The following EEA1 variants were observed in gnomAD, a reference collection of about 807,000 sequenced individuals.
EEA1 encodes the protein early endosome antigen 1, 162kD.
In EEA1, 111 loss-of-function variants were observed where a neutral mutation model predicts 209.2. The ratio of observed to expected loss-of-function variants is 0.53; its 90% CI spans 0.45 to 0.62. EEA1 has a LOEUF of 0.62. Ranked by LOEUF, EEA1 falls within the 20% of genes least tolerant of loss-of-function variation. EEA1 has a pLI of 0.00. For missense variants in EEA1, 1,343 were observed against 1,530.8 expected (o/e 0.88, Z 2.05); for synonymous variants, 536 against 540.6 (o/e 0.99, Z 0.12).
At chr12:92,858,158 G>A (rs946709081) in intron 3 of EEA1, 5 of 620,054 alleles carry the variant, frequency 8.1e-6, no homozygotes, top group Non-Finnish European at 1.5e-5. Flanking sequence ...GTTGGTGGGG[G>A]AAGGCCCACC....
At chr12:92,783,690 G>T (rs2136651914) in intron 22 of EEA1, among the ~76,000 whole-genome samples, 1 of 152,244 alleles carries the variant, frequency 6.6e-6, no homozygotes, top group African/African-American at 2.4e-5. Flanking sequence ...TTCAGTTGGG[G>T]ATAAATATGG....
Position 92,777,955 on chromosome 12 carries a change from TCTC to T in EEA1, c.3876_3878del (p.Arg1293del), listed in dbSNP as rs917509191. On this transcript the variant is annotated inframe_deletion, in exon 26 of 29. Transcript: ENST00000322349. The stretch of plus-strand genomic sequence containing the variant: ...ATATCAATCACCTTTCCAGTAGTGC[TCTC>T]CTTTCATCTTGATTATTCTGAACCG... 6.2e-7 allele frequency: 1 copy of T among 1,612,692 alleles called. No individual in the cohort carries two copies.
intron 15 of EEA1, 111 bp from the exon 16 acceptor site, chr12:92,813,204 G>T: frequency 1.7e-6 from 1 of 586,228 alleles, no homozygotes; most frequent in Non-Finnish European, 2.7e-6. Context: ...TAAGTCCTTG[G>T]CAAAAACATA....
intron 3 of EEA1, among the ~76,000 whole-genome samples, chr12:92,862,990 T>C (rs923587144): frequency 3.3e-5 from 5 of 152,180 alleles, no homozygotes; most frequent in Non-Finnish European, 7.4e-5. Context: ...AGATACCTAA[T>C]AGGCAAGTTG....
chr12:92,782,212 A>G (rs889783890), intron 22 of EEA1, 77 bp from the exon 23 acceptor site: 3 of 1,205,888 alleles, frequency 2.5e-6, no homozygotes, highest in African/African-American at 1.5e-5. Context: ...TAATATAAAC[A>G]TTGTAGAAAG....
At chr12:92,904,541 A>T (rs1055605659) in intron 1 of EEA1, among the ~76,000 whole-genome samples, 2 of 152,226 alleles carry the variant, frequency 1.3e-5, no homozygotes, top group Middle Eastern at 3.2e-3. Context: ...CTAAGGGATC[A>T]GTCCCTTAAG....
In EEA1 at chr12:92,851,168, T is replaced by A. The variant is rs371854406; in HGVS notation, c.741A>T (p.Glu247Asp). The change falls in exon 9 of 29, where the codon GAA becomes GAT. Residue 247 changes from glutamate to aspartate, a missense_variant. Glu to Asp is a conservative substitution (Grantham distance 45, BLOSUM62 2). Around this residue, in one of 3 missense-constraint regions of EEA1, gnomAD observed 1,307 missense variants for 1,465.5 expected, o/e 0.89. Coordinates refer to ENST00000322349, the MANE Select transcript of EEA1 (RefSeq NM_003566.4). Reference sequence around the variant, plus strand: ...TGCATTCATCTTTGAGTTTTTCAGATTCTCGCTCACGTTCCAAGGTCATGT... The same window carrying A: ...TGCATTCATCTTTGAGTTTTTCAGAATCTCGCTCACGTTCCAAGGTCATGT... ...MDNMTLERER[E>D]SEKLKDECKK... 16 of 1,613,826 alleles carry A rather than the reference T, an allele frequency of 9.9e-6. No homozygotes were observed. The African/African-American group carries it at 2.0e-4, about 20-fold the overall frequency.
Position 92,778,144 on chromosome 12 carries a change from C to T in EEA1, c.3690G>A (p.Lys1230=). Residue 1230 remains lysine (K), a synonymous_variant, in exon 26 of 29, where the codon AAG becomes AAA. Coordinates refer to ENST00000322349, the MANE Select transcript of EEA1 (RefSeq NM_003566.4). ...SEIKEKEVGM[K]KHEENEAKLT... Reference sequence around the variant, plus strand: ...GTTTAGCCTCATTTTCTTCATGCTTCTTCATTCCTACTTCCTTTTCTTTTA... The same window carrying T: ...GTTTAGCCTCATTTTCTTCATGCTTTTTCATTCCTACTTCCTTTTCTTTTA... The T allele has an allele frequency of 6.2e-7, 1 of 1,612,830 alleles. No homozygotes were observed. The highest frequency in any genetic ancestry group is 8.5e-7 in the Non-Finnish European group (1 of 1,179,310).
At chr12:92,812,943 A>G in intron 16 of EEA1, 37 bp downstream of exon 16, 1 of 1,387,174 alleles carries the variant, frequency 7.2e-7, no homozygotes, top group Non-Finnish European at 1.0e-6. Context: ...CTACCAAAGC[A>G]CTAGGTGATA....
chr12:92,910,896 C>G (rs1880559578), intron 1 of EEA1, among the ~76,000 whole-genome samples: 1 of 152,220 alleles, frequency 6.6e-6, no homozygotes, highest in Non-Finnish European at 1.5e-5. Context: ...TGCTCCACAG[C>G]ATACACCATC....
At position 92,841,407 on chromosome 12, in the gene EEA1, T is replaced by C. The variant is rs1414084239; in HGVS notation, c.915+1058A>G. Among the ~76,000 whole-genome samples, 3 of 152,182 alleles carry C rather than the reference T, an allele frequency of 2.0e-5. 1 individual carries two copies. Among genetic ancestry groups the C allele is most frequent in the South Asian group, 4.1e-4 (2 of 4,828 alleles). On this transcript the variant is annotated intron_variant, in intron 10 of 28. Transcript: ENST00000322349. ...AGCTTCATGACACTAGGTTTAGCAA[T>C]GATTTTTTGGATATGACACCAAATA...
intron 21 of EEA1, among the ~76,000 whole-genome samples, chr12:92,790,300 G>A (rs1044383312): frequency 2.0e-5 from 3 of 152,242 alleles, no homozygotes; most frequent in South Asian, 2.1e-4. Context: ...GTTGACAGAT[G>A]TAGGCTTCAG....
chr12:92,882,474 T>C (rs1026315924), intron 2 of EEA1, among the ~76,000 whole-genome samples: 3 of 151,278 alleles, frequency 2.0e-5, no homozygotes, highest in African/African-American at 7.3e-5. Context: ...TACCTGGGTA[T>C]ATTGCATGAT....
Position 92,816,407 on chromosome 12 carries a change from T to A in EEA1, c.1729-7A>T, listed in dbSNP as rs892094267. On this transcript the variant is annotated splice_polypyrimidine_tract_variant and splice_region_variant and intron_variant, in intron 14 of 28. Transcript: ENST00000322349. The stretch of plus-strand genomic sequence containing the variant: ...TCTCTGTTAGTTGAGTTACCTGTTA[T>A]ACAAGTAAGACTAATCGTGAAGTTC... 1 of 1,611,962 alleles carries A rather than the reference T, an allele frequency of 6.2e-7. No individual in the cohort carries two copies. Among genetic ancestry groups the A allele is most frequent in the Non-Finnish European group, 8.5e-7 (1 of 1,178,338 alleles).
intron 13 of EEA1, 137 bp from the exon 14 acceptor site, chr12:92,819,648 G>A: frequency 1.8e-6 from 1 of 540,742 alleles, no homozygotes; most frequent in South Asian, 3.7e-5. Flanking sequence ...ATTTCAATAT[G>A]GTAAATTTAG....
intron 1 of EEA1, among the ~76,000 whole-genome samples, chr12:92,913,399 T>TC (rs1348581716): frequency 5.3e-5 from 8 of 152,242 alleles, no homozygotes; most frequent in African/African-American, 1.4e-4. Flanking sequence ...CTTGTTTTTT[T>TC]CTTGTTGCGT....
chr12:92,857,309 T>G lies in EEA1; in HGVS notation c.332A>C (p.Lys111Thr). Residue 111 changes from lysine (K) to threonine (T), a missense_variant, in exon 5 of 29, where the codon AAG becomes ACG. By Grantham distance (78) the Lys-to-Thr change is moderately conservative. Coordinates refer to ENST00000322349, the MANE Select transcript of EEA1 (RefSeq NM_003566.4). ...CAGCCCTTGATATTTTTCTAATTCC[T>G]TCTTTAATTCTTCCGAGTACCATTT... is the stretch of plus-strand genomic sequence containing the variant. ...EEKWYSEELK[K>T]ELEKYQGLQQ... 1 of 1,593,350 alleles carries G rather than the reference T, an allele frequency of 6.3e-7. No homozygotes were observed. Among genetic ancestry groups the G allele is most frequent in the Non-Finnish European group, 8.5e-7 (1 of 1,172,852 alleles).
chr12:92,857,432 T>G lies in EEA1; in HGVS notation c.299A>C (p.Lys100Thr), dbSNP rs753873644. Residue 100 changes from lysine to threonine, a missense_variant and splice_region_variant, in exon 4 of 29, where the codon AAG becomes ACG. Around this residue, in one of 3 missense-constraint regions of EEA1, gnomAD observed 1,307 missense variants for 1,465.5 expected, o/e 0.89. Transcript: ENST00000322349. ...QEVQDLQASL[K>T]EEKWYSEELK... ...AGGTATAACAATTTTTATTCTTACCTTAAGTGAAGCCTGTAGGTCTTGGAC... is the reference window on the plus strand; with the variant it reads ...AGGTATAACAATTTTTATTCTTACCGTAAGTGAAGCCTGTAGGTCTTGGAC... The G allele has an allele frequency of 6.3e-7, 1 of 1,595,526 alleles. No individual in the cohort carries two copies. The highest frequency in any genetic ancestry group is 8.5e-7 in the Non-Finnish European group (1 of 1,173,424).
chr12:92,867,233 C>T (rs940622932), intron 2 of EEA1, among the ~76,000 whole-genome samples: 5 of 152,144 alleles, frequency 3.3e-5, no homozygotes, highest in East Asian at 1.9e-4. Flanking sequence ...TCCCTGAGCA[C>T]GCCATCATAC....
Sources: allele counts gnomAD v4.1 joint callset (sites outside exome capture counted in the v4.1 genomes callset), GRCh38; gene constraint gnomAD v4.1.1; regional missense constraint gnomAD v4.1.1; transcripts MANE v1.5; gene names NCBI Gene and HGNC (gene_info 2026-07-23, HGNC 2026-07-21).